The following SATB2 variants were observed in gnomAD, a reference collection of about 807,000 sequenced individuals.
SATB2 encodes DNA-binding protein SATB2.
A neutral mutation model predicts 73.4 loss-of-function variants in SATB2; 1 was observed. That is an observed-to-expected ratio of 0.01 (90% confidence interval 0.00 to 0.06). The LOEUF (loss-of-function observed/expected upper bound fraction) is 0.06, where lower values mean the gene tolerates loss of function less well. Ranked by LOEUF, SATB2 falls within the 10% of genes least tolerant of loss-of-function variation. The pLI, the probability that SATB2 is intolerant of heterozygous loss-of-function variation, is 1.00. For synonymous variants in SATB2, 397 were observed against 367.0 expected, an observed-to-expected ratio of 1.08 and a Z score of -0.93; for missense variants, 459 against 945.8, an observed-to-expected ratio of 0.49 and a Z score of 6.75.
rs147057547 is a variant in SATB2 at position 199,392,312 on chromosome 2, T to C, written c.347-10492A>G. Among the ~76,000 whole-genome samples, 459 of 152,164 alleles carry C rather than the reference T, an allele frequency of 3.0e-3. 1 individual carries two copies. The highest frequency in any genetic ancestry group is 8.3e-3 in the Admixed American group (127 of 15,298). ...TTACTGTTGCAGAGAAAGAGGAACA[T>C]TGTAACATTTAAGTAGGAAAGTAGG... On this transcript the variant is annotated intron_variant, in intron 3 of 10. Transcript: ENST00000417098.
At chr2:199,353,123 A>G (rs1385595065) in intron 6 of SATB2, among the ~76,000 whole-genome samples, 1 of 150,968 alleles carries the variant, frequency 6.6e-6, no homozygotes, top group African/African-American at 2.4e-5. Flanking sequence ...ACACGATTTC[A>G]GAAACCATTT....
intron 7 of SATB2, among the ~76,000 whole-genome samples, chr2:199,335,084 T>C (rs1688298788): frequency 6.6e-6 from 1 of 152,178 alleles, no homozygotes; most frequent in Non-Finnish European, 1.5e-5. Context: ...GTACTTAGTC[T>C]GATTTGAATA....
chr2:199,278,527 AC>A, intron 10 of SATB2, among the ~76,000 whole-genome samples: 1 of 152,328 alleles, frequency 6.6e-6, no homozygotes, highest in South Asian at 2.1e-4. Context: ...AGAGAGCCAC[AC>A]GGCCAGAGCA....
intron 2 of SATB2, among the ~76,000 whole-genome samples, chr2:199,450,634 A>C (rs2105950220): frequency 6.6e-6 from 1 of 152,276 alleles, no homozygotes; most frequent in East Asian, 1.9e-4. Context: ...AGATAAGTAT[A>C]ACCCAAGAAA....
intron 3 of SATB2, among the ~76,000 whole-genome samples, chr2:199,404,562 T>C (rs1340899505): frequency 6.6e-6 from 1 of 152,176 alleles, no homozygotes; most frequent in Non-Finnish European, 1.5e-5. Context: ...ATTCTTAGCA[T>C]AAGGAAAGTA....
intron 9 of SATB2, 27 bp downstream of exon 9, chr2:199,323,776 G>T: frequency 6.2e-7 from 1 of 1,611,474 alleles, no homozygotes; most frequent in Non-Finnish European, 8.5e-7. Flanking sequence ...TCCAGCCCTC[G>T]ATTTTGCTTT....
chr2:199,402,363 T>G (rs1690508701), intron 3 of SATB2, among the ~76,000 whole-genome samples: 1 of 150,982 alleles, frequency 6.6e-6, no homozygotes, highest in Non-Finnish European at 1.5e-5. Flanking sequence ...CCAGCCTGGG[T>G]GACAGAGCGA....
chr2:199,467,635 A>G (rs1692619514), upstream of SATB2: 1 of 152,416 alleles, frequency 6.6e-6, no homozygotes, highest in Admixed American at 6.5e-5. Flanking sequence ...ACCCACTAGC[A>G]CACACTAGTC....
At chr2:199,364,124 C>G (rs965633313) in intron 6 of SATB2, among the ~76,000 whole-genome samples, 1 of 152,148 alleles carries the variant, frequency 6.6e-6, no homozygotes, top group Admixed American at 6.5e-5. Flanking sequence ...CTATTCAACT[C>G]CAAGGCACCA....
chr2:199,298,089 C>T (rs910752025), intron 10 of SATB2, among the ~76,000 whole-genome samples: 1 of 152,192 alleles, frequency 6.6e-6, no homozygotes, highest in African/African-American at 2.4e-5. Flanking sequence ...ATCCTTGATT[C>T]AATTCTGTGC....
intron 6 of SATB2, among the ~76,000 whole-genome samples, chr2:199,363,694 T>C (rs1408727483): frequency 6.6e-6 from 1 of 152,230 alleles, no homozygotes; most frequent in East Asian, 1.9e-4. Context: ...TTAATTCACT[T>C]GATTTAATCA....
intron 7 of SATB2, among the ~76,000 whole-genome samples, chr2:199,344,246 C>A (rs529356064): frequency 6.6e-6 from 1 of 152,216 alleles, no homozygotes; most frequent in South Asian, 2.1e-4. Flanking sequence ...TGAACGAACA[C>A]ACACACACAA....
chr2:199,285,217 C>T (rs373891265), intron 10 of SATB2, among the ~76,000 whole-genome samples: 7 of 152,032 alleles, frequency 4.6e-5, no homozygotes, highest in East Asian at 1.9e-4. Context: ...CTTTGGATGA[C>T]ATGAATCACA....
At chr2:199,398,943 C>A (rs7607687) in intron 3 of SATB2, among the ~76,000 whole-genome samples, 1 of 151,998 alleles carries the variant, frequency 6.6e-6, no homozygotes, top group Non-Finnish European at 1.5e-5. Context: ...TGGTGCTGAA[C>A]AGCCAATCTT....
At chr2:199,343,661 C>T (rs1259103706) in intron 7 of SATB2, among the ~76,000 whole-genome samples, 3 of 152,180 alleles carry the variant, frequency 2.0e-5, no homozygotes. Context: ...GGGCTTTATA[C>T]ACAACAGGTT....
chr2:199,470,483 A>G (rs1240793759), intron 1 of SATB2: 1 of 152,276 alleles, frequency 6.6e-6, no homozygotes, highest in African/African-American at 2.4e-5. Flanking sequence ...CACTTGACTC[A>G]AAACTGCCCT....
intron 3 of SATB2, among the ~76,000 whole-genome samples, chr2:199,403,949 A>G (rs944677247): frequency 6.6e-6 from 1 of 152,252 alleles, no homozygotes; most frequent in Admixed American, 6.5e-5. Flanking sequence ...TCAGAAGTCA[A>G]TCTGTCAATA....
At chr2:199,294,894 T>G (rs1234657939) in intron 10 of SATB2, among the ~76,000 whole-genome samples, 1 of 152,220 alleles carries the variant, frequency 6.6e-6, no homozygotes, top group Non-Finnish European at 1.5e-5. Context: ...TTTACTTTTT[T>G]TAAAAAAATT....
At chr2:199,364,226 A>C (rs1689221809) in intron 6 of SATB2, among the ~76,000 whole-genome samples, 1 of 152,178 alleles carries the variant, frequency 6.6e-6, no homozygotes, top group African/African-American at 2.4e-5. Flanking sequence ...ATAATTACTT[A>C]TTTCTTTTAA....
Sources: allele counts gnomAD v4.1 joint callset (sites outside exome capture counted in the v4.1 genomes callset), GRCh38; gene constraint gnomAD v4.1.1; transcripts MANE v1.5; gene names NCBI Gene and HGNC (gene_info 2026-07-23, HGNC 2026-07-21).